The following ANK3 variants were observed in gnomAD, a reference collection of about 807,000 sequenced individuals.
ANK3 encodes ankyrin 3.
In ANK3, 57 loss-of-function variants were observed where a neutral mutation model predicts 370.9. The observed-to-expected ratio is 0.15, with a 90% CI of 0.12 to 0.19. The LOEUF is 0.19. Ranked by LOEUF, ANK3 falls within the 10% of genes least tolerant of loss-of-function variation. The probability of loss-of-function intolerance (pLI) is 1.00; values close to 1 mark genes in which losing one functional copy is unlikely to be tolerated. For missense variants in ANK3, 4,439 were observed against 5,302.1 expected, an observed-to-expected ratio of 0.84 and a Z score of 5.06; for synonymous variants, 1,929 against 1,946.3, an observed-to-expected ratio of 0.99 and a Z score of 0.23.
intron 1 of ANK3, among the ~76,000 whole-genome samples, chr10:60,350,794 G>A (rs2056690764): frequency 1.3e-5 from 2 of 152,134 alleles, no homozygotes; most frequent in Admixed American, 1.3e-4. Context: ...GGTTCCACAG[G>A]GTCTCAGCAG....
intron 16 of ANK3, among the ~76,000 whole-genome samples, chr10:60,192,977 T>C (rs2132390159): frequency 1.3e-5 from 2 of 152,276 alleles, no homozygotes; most frequent in East Asian, 3.9e-4. Flanking sequence ...TTTTTTTTTT[T>C]TTCCTAGCAG....
intron 23 of ANK3, chr10:60,140,545 T>TTATA (rs2094517006): frequency 7.1e-7 from 1 of 1,408,924 alleles, no homozygotes. Flanking sequence ...AATTGAGGAA[T>TTATA]TATACATCTT....
rs2054488670 is a variant in ANK3 at position 60,342,488 on chromosome 10, A to C, written c.114+46937T>G. ...GCATTTAGGAAACATGCATATCACC[A>C]TCATATGATCTGATAAAAGACAATC... On this transcript the variant is annotated intron_variant, in intron 1 of 43. Coordinates refer to ENST00000280772, the MANE Select transcript of ANK3 (RefSeq NM_020987.5). Among the ~76,000 whole-genome samples, 3 of 152,202 alleles carry C rather than the reference A, an allele frequency of 2.0e-5. No individual in the cohort carries two copies. The East Asian group carries it at 5.8e-4, about 29-fold the overall frequency.
intron 42 of ANK3, among the ~76,000 whole-genome samples, chr10:60,046,864 T>C (rs2077054781): frequency 6.7e-6 from 1 of 149,284 alleles, no homozygotes; most frequent in Non-Finnish European, 1.5e-5. Flanking sequence ...TGGAGTGCAG[T>C]GGCGCGATCT....
intron 1 of ANK3, among the ~76,000 whole-genome samples, chr10:60,618,140 G>A (rs1283074225): frequency 2.6e-5 from 4 of 152,052 alleles, no homozygotes; most frequent in African/African-American, 9.7e-5. Context: ...GCCAGTACAT[G>A]GTGGGGCCTG....
At position 60,074,331 on chromosome 10, in the gene ANK3, G is replaced by A. The variant is rs1173139713; in HGVS notation, c.6550C>T (p.Pro2184Ser). 1 of 1,613,882 alleles carries A rather than the reference G, an allele frequency of 6.2e-7. No individual in the cohort carries two copies. Among genetic ancestry groups the A allele is most frequent in the Non-Finnish European group, 8.5e-7 (1 of 1,179,984 alleles). ...RSYDPSAGDV[P>S]QTQPEEPVSP... ...ACAGGCTCCTCTGGTTGGGTCTGGG[G>A]AACATCCCCAGCTGAGGGATCATAG... The change falls in exon 37 of 44, where the codon CCC (proline) becomes TCC (serine). Residue 2184 changes from proline (P) to serine (S), a missense_variant. By Grantham distance (74) the Pro-to-Ser change is moderately conservative. Transcript: ENST00000280772.
chr10:60,184,295 G>T (rs1238592383), intron 17 of ANK3, among the ~76,000 whole-genome samples: 2 of 152,134 alleles, frequency 1.3e-5, no homozygotes, highest in African/African-American at 4.8e-5. Flanking sequence ...AGGAAAAACT[G>T]ACAAAAACTG....
At chr10:60,109,979 G>A (rs1006094929) in intron 26 of ANK3, among the ~76,000 whole-genome samples, 5 of 152,150 alleles carry the variant, frequency 3.3e-5, no homozygotes, top group Non-Finnish European at 5.9e-5. Context: ...GTGTGGAAGA[G>A]TTAAGGTCAG....
chr10:60,363,609 T>G (rs1295157292), intron 1 of ANK3, among the ~76,000 whole-genome samples: 1 of 152,234 alleles, frequency 6.6e-6, no homozygotes, highest in East Asian at 1.9e-4. Flanking sequence ...CTTCTCCGAC[T>G]GTGATGGCCC....
intron 1 of ANK3, among the ~76,000 whole-genome samples, chr10:60,725,889 G>A (rs2079934431): frequency 6.6e-6 from 1 of 152,036 alleles, no homozygotes; most frequent in African/African-American, 2.4e-5. Flanking sequence ...ACAGAATGGG[G>A]AAAGTAATTT....
At chr10:60,120,586 C>T (rs1046669939) in intron 25 of ANK3, among the ~76,000 whole-genome samples, 5 of 151,638 alleles carry the variant, frequency 3.3e-5, no homozygotes, top group South Asian at 2.1e-4. Context: ...GATTAATAAC[C>T]GGAATATATA....
chr10:60,286,058 TTAAAAAATACATAA>T (rs889117046), intron 1 of ANK3, among the ~76,000 whole-genome samples: 2 of 152,174 alleles, frequency 1.3e-5, no homozygotes, highest in Non-Finnish European at 2.9e-5. Context: ...TATCATACAT[TTAAAAAATACATAA>T]AACATATATG....
chr10:60,458,044 G>C (rs1031578747), intron 2 of ANK3, among the ~76,000 whole-genome samples: 1 of 152,038 alleles, frequency 6.6e-6, no homozygotes, highest in African/African-American at 2.4e-5. Context: ...GAATAAAAGG[G>C]GTAAGGATGG....
At chr10:60,728,108 G>A (rs2079968288) in intron 1 of ANK3, among the ~76,000 whole-genome samples, 1 of 152,022 alleles carries the variant, frequency 6.6e-6, no homozygotes. Context: ...CTACAAATCA[G>A]GGCTTTTTTT....
At chr10:60,526,726 A>G (rs765028105) in intron 2 of ANK3, among the ~76,000 whole-genome samples, 2 of 152,170 alleles carry the variant, frequency 1.3e-5, no homozygotes, top group Non-Finnish European at 2.9e-5. Context: ...AGAGACCCAC[A>G]TGGTATATTT....
intron 7 of ANK3, among the ~76,000 whole-genome samples, chr10:60,247,417 G>A (rs2097573017): frequency 6.6e-6 from 1 of 152,054 alleles, no homozygotes; most frequent in Non-Finnish European, 1.5e-5. Flanking sequence ...ATTTTTAAGT[G>A]CACAGTTCAG....
chr10:60,387,358 T>C (rs1225383583), intron 1 of ANK3, among the ~76,000 whole-genome samples: 2 of 152,144 alleles, frequency 1.3e-5, no homozygotes, highest in Non-Finnish European at 2.9e-5. Flanking sequence ...CAATTCACTT[T>C]ATAGAGGAAT....
chr10:60,728,654 A>C (rs964245790), intron 1 of ANK3, among the ~76,000 whole-genome samples: 2 of 152,202 alleles, frequency 1.3e-5, no homozygotes, highest in Admixed American at 1.3e-4. Context: ...TCGTCTAGTG[A>C]AGAAATGGAA....
chr10:60,721,049 A>G (rs1193451486), intron 1 of ANK3, among the ~76,000 whole-genome samples: 2 of 152,228 alleles, frequency 1.3e-5, no homozygotes, highest in Admixed American at 6.5e-5. Flanking sequence ...GAGTAAGCAG[A>G]TATAAAAATA....
Sources: gnomAD v4.1 joint callset for allele counts (sites outside exome capture counted in the v4.1 genomes callset) on GRCh38, gnomAD v4.1.1 for gene constraint, MANE v1.5 for transcripts, NCBI Gene and HGNC (gene_info 2026-07-23, HGNC 2026-07-21) for gene names.